MAD1L1: variants seen among roughly 807,000 people sequenced by gnomAD.
The protein encoded by MAD1L1 is mitotic arrest deficient 1 like 1, also known as mitotic spindle assembly checkpoint protein MAD1.
Under a neutral mutation model 96.9 loss-of-function variants are expected in MAD1L1, and 95 were observed. The ratio of observed to expected loss-of-function variants is 0.98; its 90% CI spans 0.83 to 1.16. The LOEUF is 1.16. Ranked by LOEUF, MAD1L1 falls within the 50% of genes most tolerant of loss-of-function variation. The pLI, the probability that MAD1L1 is intolerant of heterozygous loss-of-function variation, is 0.00. For missense variants in MAD1L1, 1,007 were observed against 954.4 expected (o/e 1.06, Z -0.73); for synonymous variants, 473 against 396.6 (o/e 1.19, Z -2.29).
At chr7:2,059,503 G>A (rs1784540144) in intron 12 of MAD1L1, among the ~76,000 whole-genome samples, 2 of 151,420 alleles carry the variant, frequency 1.3e-5, no homozygotes, top group South Asian at 4.2e-4. Context: ...GGAGAGGAAA[G>A]GTGCGGGGCT....
At chr7:2,175,020 AG>A (rs1790879470) in intron 10 of MAD1L1, 1 of 152,012 alleles carries the variant, frequency 6.6e-6, no homozygotes, top group African/African-American at 2.4e-5. Context: ...TCCCCACAGG[AG>A]GCCCTTCTAC....
rs551832465 is a variant in MAD1L1, at chr7:1,842,498, C to T, written c.1999-26270G>A. ...AGTCCACAGGCCGCCAGAATCCCTTCCGGCGCATGCCTGCCTGAGCTGCCA... is the reference window on the plus strand; with the variant it reads ...AGTCCACAGGCCGCCAGAATCCCTTTCGGCGCATGCCTGCCTGAGCTGCCA... On this transcript the variant is annotated intron_variant, in intron 18 of 18. Transcript: ENST00000265854. Among the ~76,000 whole-genome samples the T allele has an allele frequency of 1.8e-4, 28 of 152,380 alleles. No homozygotes were observed. The South Asian group carries it at 5.8e-3, about 32-fold the overall frequency.
intron 11 of MAD1L1, among the ~76,000 whole-genome samples, chr7:2,122,449 C>A (rs535134214): frequency 1.2e-4 from 19 of 152,222 alleles, no homozygotes; most frequent in Non-Finnish European, 1.0e-4. Context: ...CACGGACAAA[C>A]CCCGTTACTA....
intron 18 of MAD1L1, among the ~76,000 whole-genome samples, chr7:1,853,666 G>A (rs1018961534): frequency 6.6e-6 from 1 of 152,100 alleles, no homozygotes; most frequent in Non-Finnish European, 1.5e-5. Flanking sequence ...CCCTCTGCAC[G>A]GGGGCCCCCT....
Position 2,048,489 on chromosome 7 carries a change from C to G in MAD1L1, c.1218+20705G>C, listed in dbSNP as rs1466781571. Among the ~76,000 whole-genome samples, 46 of 152,194 alleles carry G rather than the reference C, an allele frequency of 3.0e-4. 1 individual carries two copies. The highest frequency in any genetic ancestry group is 3.0e-3 in the Admixed American group (46 of 15,282). ...GCAGTGACCGCTATACATCGAATGC[C>G]CACTCACTGCAGGTCCCATGCCAGG... On this transcript the variant is annotated intron_variant, in intron 12 of 18. Transcript: ENST00000265854.
At chr7:1,863,128 G>A (rs779578159) in intron 18 of MAD1L1, among the ~76,000 whole-genome samples, 7 of 152,376 alleles carry the variant, frequency 4.6e-5, no homozygotes, top group Non-Finnish European at 7.3e-5. Context: ...CCCAAGCCCC[G>A]CAAGCCAGGT....
intron 12 of MAD1L1, among the ~76,000 whole-genome samples, chr7:2,016,067 G>A (rs972988326): frequency 2.0e-5 from 3 of 152,164 alleles, no homozygotes; most frequent in Admixed American, 6.5e-5. Flanking sequence ...TTCCTTTGTT[G>A]ATAAGATGGG....
intron 10 of MAD1L1, among the ~76,000 whole-genome samples, chr7:2,178,470 G>A (rs1369969497): frequency 1.3e-5 from 2 of 152,284 alleles, no homozygotes; most frequent in South Asian, 2.1e-4. Flanking sequence ...TCTTCCAGAT[G>A]GTTAAGACCA....
chr7:1,944,851 A>C (rs1051172407), intron 16 of MAD1L1, among the ~76,000 whole-genome samples: 2 of 152,202 alleles, frequency 1.3e-5, no homozygotes, highest in Admixed American at 1.3e-4. Flanking sequence ...TGGAGCCTGC[A>C]GGCCACCTCT....
chr7:2,120,071 T>C (rs1008615202), intron 11 of MAD1L1, among the ~76,000 whole-genome samples: 4 of 152,060 alleles, frequency 2.6e-5, no homozygotes, highest in African/African-American at 7.2e-5. Flanking sequence ...GCACCTGCCT[T>C]TTCACTCCTC....
At chr7:1,958,397 T>C (rs11979459) in intron 15 of MAD1L1, among the ~76,000 whole-genome samples, 133,079 of 152,190 alleles carry the variant, frequency 0.87, 59,116 homozygotes, top group Non-Finnish European at 0.96. Context: ...CATATTCATG[T>C]GGTTTAAAAA....
At chr7:1,887,411 A>G (rs993357949) in intron 18 of MAD1L1, among the ~76,000 whole-genome samples, 21 of 146,730 alleles carry the variant, frequency 1.4e-4, no homozygotes, top group Non-Finnish European at 2.9e-4. Flanking sequence ...CTGCCTGTGC[A>G]TGTGTGTGTG....
intron 18 of MAD1L1, among the ~76,000 whole-genome samples, chr7:1,890,386 A>C (rs1255969159): frequency 3.9e-5 from 6 of 152,024 alleles, no homozygotes; most frequent in African/African-American, 1.4e-4. Flanking sequence ...TGTTAGAAGG[A>C]GCCTGGCACC....
At chr7:1,907,442 C>G (rs1237907876) in intron 17 of MAD1L1, among the ~76,000 whole-genome samples, 1 of 152,234 alleles carries the variant, frequency 6.6e-6, no homozygotes, top group Non-Finnish European at 1.5e-5. Context: ...GATTTTCAGG[C>G]TTTAAAAAAC....
chr7:2,054,895 T>A (rs900495165), intron 12 of MAD1L1, among the ~76,000 whole-genome samples: 1 of 152,194 alleles, frequency 6.6e-6, no homozygotes, highest in Non-Finnish European at 1.5e-5. Flanking sequence ...ACACATGCGG[T>A]ACTCAGGGCT....
At chr7:2,076,678 G>A (rs183211274) in intron 11 of MAD1L1, among the ~76,000 whole-genome samples, 95 of 152,074 alleles carry the variant, frequency 6.2e-4, no homozygotes, top group Non-Finnish European at 1.0e-3. Context: ...CAGTGAGCCC[G>A]AGACACAGGT....
intron 1 of MAD1L1, among the ~76,000 whole-genome samples, chr7:2,231,180 C>T (rs144065877): frequency 0.013 from 2,027 of 152,252 alleles, 24 homozygotes; most frequent in Non-Finnish European, 0.02. Flanking sequence ...CGCCTGTAAT[C>T]CCAGCTACTC....
At chr7:2,165,183 G>T (rs1025348943) in intron 10 of MAD1L1, among the ~76,000 whole-genome samples, 2 of 150,368 alleles carry the variant, frequency 1.3e-5, no homozygotes, top group Admixed American at 1.3e-4. Context: ...CAGCCTGGGC[G>T]ACAAAGTGAG....
chr7:1,906,933 T>G (rs566588107), intron 17 of MAD1L1, among the ~76,000 whole-genome samples: 106 of 152,332 alleles, frequency 7.0e-4, no homozygotes, highest in African/African-American at 2.2e-3. Context: ...AACACCCGTG[T>G]TCATCCCTGA....
Sources: gnomAD v4.1 joint callset for allele counts (sites outside exome capture counted in the v4.1 genomes callset) on GRCh38, gnomAD v4.1.1 for gene constraint, MANE v1.5 for transcripts, NCBI Gene and HGNC (gene_info 2026-07-23, HGNC 2026-07-21) for gene names.